NTRK3: variants seen among roughly 807,000 people sequenced by gnomAD.
The protein encoded by NTRK3 is NT-3 growth factor receptor.
NTRK3 carries 24 observed loss-of-function variants against 91.7 expected under a neutral mutation model. That is an observed-to-expected ratio of 0.26 (90% CI 0.19 to 0.37). NTRK3 has a LOEUF of 0.37. Among genes scored for constraint, NTRK3 ranks in the 10% least tolerant of loss-of-function variants. The pLI, the probability that NTRK3 is intolerant of heterozygous loss-of-function variation, is 1.00. For missense variants in NTRK3, 880 were observed against 1,068.9 expected (o/e 0.82, Z 2.46); for synonymous variants, 483 against 404.0 (o/e 1.20, Z -2.34).
intron 3 of NTRK3, among the ~76,000 whole-genome samples, chr15:88,239,612 G>A (rs1358495957): frequency 6.6e-6 from 1 of 152,114 alleles, no homozygotes; most frequent in Non-Finnish European, 1.5e-5. Flanking sequence ...CCAAAGTCAG[G>A]AGAGAACCAG....
intron 13 of NTRK3, among the ~76,000 whole-genome samples, chr15:88,093,825 T>A (rs1392513796): frequency 6.6e-6 from 1 of 151,876 alleles, no homozygotes; most frequent in Admixed American, 6.6e-5. Context: ...AGCGGGGGGG[T>A]TGCTATAAAG....
chr15:88,119,872 T>C (rs75224423), intron 13 of NTRK3, among the ~76,000 whole-genome samples: 1,662 of 152,310 alleles, frequency 0.011, 36 homozygotes, highest in African/African-American at 0.034. Flanking sequence ...ACAATACCAA[T>C]AGTGCTTTCA....
Position 88,081,958 on chromosome 15 carries a change from T to C in NTRK3, c.1396+44313A>G, listed in dbSNP as rs142943364. ...TCCAAGGGCAACCCTTCTTATGCCT[T>C]GCTCCCCCTGGGCTCTGCCCTCATT... On this transcript the variant is annotated intron_variant, in intron 13 of 18. Transcript: ENST00000394480. 5.9e-3 allele frequency among the ~76,000 whole-genome samples: 894 copies of C among 152,272 alleles called. 9 individuals are homozygous for C. The highest frequency in any genetic ancestry group is 0.041 in the Middle Eastern group (12 of 294).
chr15:88,044,230 C>G (rs900887520), intron 13 of NTRK3, among the ~76,000 whole-genome samples: 2 of 145,530 alleles, frequency 1.4e-5, no homozygotes, highest in African/African-American at 5.1e-5. Context: ...TGTCCTGGAG[C>G]TGTGGGATTC....
chr15:87,909,772 G>T (rs1224946876), intron 17 of NTRK3, among the ~76,000 whole-genome samples: 1 of 152,080 alleles, frequency 6.6e-6, no homozygotes. Context: ...ATAGGACTGG[G>T]GTCCTTATAA....
chr15:88,026,107 T>C (rs2078015863), intron 14 of NTRK3, among the ~76,000 whole-genome samples: 1 of 151,968 alleles, frequency 6.6e-6, no homozygotes, highest in Non-Finnish European at 1.5e-5. Context: ...CCTTCTCTAC[T>C]AAAAATACAA....
intron 5 of NTRK3, among the ~76,000 whole-genome samples, chr15:88,178,997 T>A (rs2046238518): frequency 6.6e-6 from 1 of 152,222 alleles, no homozygotes; most frequent in Non-Finnish European, 1.5e-5. Context: ...AGAGTCCACA[T>A]CCTGATTCTT....
chr15:88,125,374 G>C (rs1333272554), intron 13 of NTRK3, among the ~76,000 whole-genome samples: 2 of 152,124 alleles, frequency 1.3e-5, no homozygotes, highest in African/African-American at 4.8e-5. Context: ...AGAATCCATA[G>C]AAATTCATCT....
chr15:88,244,914 A>T (rs894789439), intron 3 of NTRK3, among the ~76,000 whole-genome samples: 1 of 152,240 alleles, frequency 6.6e-6, no homozygotes, highest in Non-Finnish European at 1.5e-5. Flanking sequence ...AAGAAGCTAG[A>T]TGCTACTAAA....
At chr15:88,070,166 C>T (rs545600315) in intron 13 of NTRK3, among the ~76,000 whole-genome samples, 1 of 152,252 alleles carries the variant, frequency 6.6e-6, no homozygotes, top group South Asian at 2.1e-4. Context: ...ATGGGCAATG[C>T]TATTCTAAAA....
intron 14 of NTRK3, among the ~76,000 whole-genome samples, chr15:87,965,271 T>A (rs1464739199): frequency 6.6e-6 from 1 of 152,244 alleles, no homozygotes; most frequent in African/African-American, 2.4e-5. Flanking sequence ...ATAAATTACC[T>A]TTGTAATCAG....
intron 3 of NTRK3, chr15:88,205,856 G>T (rs1201273818): frequency 1.3e-5 from 2 of 152,272 alleles, no homozygotes; most frequent in Non-Finnish European, 2.9e-5. Context: ...TGTGTACAGG[G>T]GACAAGGGCG....
intron 17 of NTRK3, among the ~76,000 whole-genome samples, chr15:87,886,346 T>C (rs947187988): frequency 5.3e-5 from 8 of 151,936 alleles, no homozygotes; most frequent in African/African-American, 1.9e-4. Context: ...TAAGCAAAAA[T>C]ACTGAGTTAA....
chr15:88,014,701 G>T (rs7180931), intron 14 of NTRK3, among the ~76,000 whole-genome samples: 1 of 152,156 alleles, frequency 6.6e-6, no homozygotes, highest in African/African-American at 2.4e-5. Context: ...GCTCTCTCAG[G>T]TGCTCAAGGA....
intron 14 of NTRK3, among the ~76,000 whole-genome samples, chr15:87,942,425 C>G (rs2069970226): frequency 6.6e-6 from 1 of 152,190 alleles, no homozygotes; most frequent in South Asian, 2.1e-4. Flanking sequence ...GAGGGCAAGG[C>G]TAAAGAGTCT....
intron 13 of NTRK3, among the ~76,000 whole-genome samples, chr15:88,101,567 C>T (rs1465603139): frequency 2.0e-5 from 3 of 152,306 alleles, no homozygotes; most frequent in South Asian, 2.1e-4. Flanking sequence ...CACATGCACT[C>T]GTATGTTTAT....
chr15:88,231,318 C>T (rs531731922), intron 3 of NTRK3, among the ~76,000 whole-genome samples: 2 of 152,144 alleles, frequency 1.3e-5, no homozygotes, highest in African/African-American at 2.4e-5. Context: ...GCTCCCCTTG[C>T]CCCCCACCCA....
chr15:88,097,843 G>A (rs754941479), intron 13 of NTRK3, among the ~76,000 whole-genome samples: 2 of 152,228 alleles, frequency 1.3e-5, no homozygotes, highest in African/African-American at 4.8e-5. Flanking sequence ...AAGGTGCCAA[G>A]ATGTAAACAG....
chr15:88,100,247 G>A (rs1272212978), intron 13 of NTRK3, among the ~76,000 whole-genome samples: 1 of 152,154 alleles, frequency 6.6e-6, no homozygotes, highest in Non-Finnish European at 1.5e-5. Flanking sequence ...ATCAAGCTCT[G>A]CTCCAAAGAA....
Sources: gnomAD v4.1 joint callset for allele counts (sites outside exome capture counted in the v4.1 genomes callset) on GRCh38, gnomAD v4.1.1 for gene constraint, MANE v1.5 for transcripts, NCBI Gene and HGNC (gene_info 2026-07-23, HGNC 2026-07-21) for gene names.